PRKN: variants seen among roughly 807,000 people sequenced by gnomAD.
The protein encoded by PRKN is E3 ubiquitin-protein ligase parkin.
PRKN carries 56 observed loss-of-function variants against 59.5 expected under a neutral mutation model. The ratio of observed to expected loss-of-function variants is 0.94; its 90% CI spans 0.76 to 1.18. The LOEUF is 1.18. Ranked by LOEUF, PRKN falls within the 50% of genes most tolerant of loss-of-function variation. PRKN has a pLI of 0.00. For synonymous variants in PRKN, 250 were observed against 222.1 expected, an observed-to-expected ratio of 1.13 and a Z score of -1.12; for missense variants, 657 against 596.4, an observed-to-expected ratio of 1.10 and a Z score of -1.06.
chr6:161,672,766 A>G (rs1054607895), intron 7 of PRKN, among the ~76,000 whole-genome samples: 1 of 152,092 alleles, frequency 6.6e-6, no homozygotes, highest in Non-Finnish European at 1.5e-5. Flanking sequence ...ACAGAGCAAG[A>G]CTCCATTACA....
chr6:161,566,215 GAGGC>G lies in PRKN; in HGVS notation c.933+3136_933+3139del, dbSNP rs1479555233. ...GTTCACCTCTCACATGAATCCATTCGAGGCAGGCTTTCCCCTCACTGCCCATGGT... is the reference window on the plus strand; with the variant it reads ...GTTCACCTCTCACATGAATCCATTCGAGGCTTTCCCCTCACTGCCCATGGT... On this transcript the variant is annotated intron_variant, in intron 8 of 11. Transcript: ENST00000366898. The surrounding 1 kb of genome is among the most constrained non-coding windows in gnomAD (Gnocchi z 4.1). 7.2e-5 allele frequency among the ~76,000 whole-genome samples: 11 copies of G among 152,176 alleles called. No individual in the cohort carries two copies. The South Asian group carries it at 1.9e-3, about 26-fold the overall frequency.
chr6:162,558,230 C>T (rs184080431), intron 1 of PRKN, among the ~76,000 whole-genome samples: 1 of 152,172 alleles, frequency 6.6e-6, no homozygotes, highest in Non-Finnish European at 1.5e-5. Flanking sequence ...AAGAAAGTGG[C>T]ATTCATGTTA....
intron 7 of PRKN, among the ~76,000 whole-genome samples, chr6:161,703,601 TCTG>T (rs1446222560): frequency 9.9e-5 from 15 of 152,134 alleles, no homozygotes; most frequent in Non-Finnish European, 1.6e-4. Context: ...CCACCTCACC[TCTG>T]CCAGGCTTAG....
chr6:161,474,014 G>A (rs1365838994), intron 9 of PRKN, among the ~76,000 whole-genome samples: 1 of 152,016 alleles, frequency 6.6e-6, no homozygotes, highest in African/African-American at 2.4e-5. Context: ...AGACTTCCTC[G>A]AAAAACAGAG....
chr6:162,602,848 G>A (rs1781763816), intron 1 of PRKN, among the ~76,000 whole-genome samples: 1 of 152,128 alleles, frequency 6.6e-6, no homozygotes, highest in African/African-American at 2.4e-5. Context: ...AAAGCAATGG[G>A]GGAACAAAGT....
At chr6:162,428,884 C>T (rs1210408171) in intron 2 of PRKN, among the ~76,000 whole-genome samples, 1 of 152,114 alleles carries the variant, frequency 6.6e-6, no homozygotes, top group Non-Finnish European at 1.5e-5. Flanking sequence ...CCTTTGCTCC[C>T]TCTCTCTGGA....
At chr6:162,269,760 T>C (rs952914281) in intron 2 of PRKN, 11 of 152,132 alleles carry the variant, frequency 7.2e-5, no homozygotes, top group African/African-American at 2.4e-4. Flanking sequence ...CCAACAAACA[T>C]ATGAAATAAT....
At chr6:162,600,292 G>A (rs1781652743) in intron 1 of PRKN, among the ~76,000 whole-genome samples, 1 of 152,074 alleles carries the variant, frequency 6.6e-6, no homozygotes, top group Admixed American at 6.6e-5. Flanking sequence ...CCATATTATT[G>A]TACATATCAG....
At chr6:162,494,786 T>TG (rs1355887254) in intron 1 of PRKN, among the ~76,000 whole-genome samples, 1 of 152,184 alleles carries the variant, frequency 6.6e-6, no homozygotes, top group Non-Finnish European at 1.5e-5. Flanking sequence ...TCTCTCTCAT[T>TG]TTTTCATAGC....
intron 7 of PRKN, among the ~76,000 whole-genome samples, chr6:161,621,062 C>T (rs1350758936): frequency 2.0e-5 from 3 of 152,098 alleles, no homozygotes; most frequent in Non-Finnish European, 2.9e-5. Context: ...TCTGTTGATG[C>T]TTACCATCAA....
chr6:161,743,568 A>G (rs11753802), intron 7 of PRKN, among the ~76,000 whole-genome samples: 44,448 of 151,498 alleles, frequency 0.29, 6,721 homozygotes, highest in Admixed American at 0.36. Context: ...ATCTTATCTC[A>G]CAATGATCAC....
rs542324108 is a variant in PRKN at position 161,694,232 on chromosome 6, T to A, written c.871+91540A>T. On this transcript the variant is annotated intron_variant, in intron 7 of 11. Coordinates refer to ENST00000366898, the MANE Select transcript of PRKN (RefSeq NM_004562.3). ...GCACTGAATTAGAGATTGTTAATAG[T>A]AATAATAATAAGAAAAAAAGATTTT... 3.1e-3 allele frequency among the ~76,000 whole-genome samples: 476 copies of A among 152,226 alleles called. 4 individuals are homozygous for A. The highest frequency in any genetic ancestry group is 4.1e-3 in the Non-Finnish European group (277 of 67,996).
chr6:161,531,583 A>C (rs952985147), intron 9 of PRKN, among the ~76,000 whole-genome samples: 2 of 152,084 alleles, frequency 1.3e-5, no homozygotes, highest in African/African-American at 2.4e-5. Flanking sequence ...AGAATCCAAA[A>C]TAGGCTCAAA....
chr6:162,571,201 T>C, intron 1 of PRKN: 2 of 156,818 alleles, frequency 1.3e-5, no homozygotes, highest in Admixed American at 6.4e-5. Flanking sequence ...GGTGGATACC[T>C]GTAATCTCAG....
chr6:161,516,170 A>G (rs889098676), intron 9 of PRKN, among the ~76,000 whole-genome samples: 6 of 152,254 alleles, frequency 3.9e-5, no homozygotes, highest in Admixed American at 2.6e-4. Context: ...AAAGTGGGCC[A>G]GGCGCAGTGG....
chr6:162,359,079 A>AATATATATATATATATATAT (rs1554304695), intron 2 of PRKN, among the ~76,000 whole-genome samples: 21 of 83,232 alleles, frequency 2.5e-4, no homozygotes, highest in African/African-American at 1.4e-3. Flanking sequence ...AAAAAAAAAA[A>AATATATATATATATATATAT]ATATATATAT....
At chr6:162,614,712 A>G (rs532626042) in intron 1 of PRKN, among the ~76,000 whole-genome samples, 8 of 152,312 alleles carry the variant, frequency 5.3e-5, no homozygotes, top group African/African-American at 1.9e-4. Context: ...GAATCTACAA[A>G]AACAACTTAT....
chr6:161,841,501 C>A (rs1792985740), intron 6 of PRKN, among the ~76,000 whole-genome samples: 1 of 152,096 alleles, frequency 6.6e-6, no homozygotes, highest in African/African-American at 2.4e-5. Flanking sequence ...AGGCGTGTGC[C>A]ACCACGCCCA....
rs531993984 is a variant in PRKN, at chr6:162,449,912, G to C, written c.8-6439C>G. Among the ~76,000 whole-genome samples, 5 of 152,318 alleles carry C rather than the reference G, an allele frequency of 3.3e-5. No homozygotes were observed. In the South Asian group the frequency reaches 1.0e-3, roughly 32 times the overall value. On this transcript the variant is annotated intron_variant, in intron 1 of 11. Transcript: ENST00000366898. ...TTTCTAGTTAGGGGGTCCACATCAG[G>C]AGAAGTACAGTTACGTAAAGGGAGT...
Sources: gnomAD v4.1 joint callset for allele counts (sites outside exome capture counted in the v4.1 genomes callset) on GRCh38, gnomAD v4.1.1 for gene constraint, Gnocchi (gnomAD v3.1) non-coding constraint, MANE v1.5 for transcripts, NCBI Gene and HGNC (gene_info 2026-07-23, HGNC 2026-07-21) for gene names.